RBFOX1: variants seen among roughly 807,000 people sequenced by gnomAD.
RBFOX1 encodes the protein RNA binding fox-1 homolog 1.
In RBFOX1, 8 loss-of-function variants were observed where a neutral mutation model predicts 57.7. The observed-to-expected ratio is 0.14, with a 90% CI of 0.08 to 0.25. The LOEUF is 0.25. Ranked by LOEUF, RBFOX1 falls within the 10% of genes least tolerant of loss-of-function variation. RBFOX1 has a pLI of 1.00. For synonymous variants in RBFOX1, 326 were observed against 222.4 expected, an observed-to-expected ratio of 1.47 and a Z score of -4.15; for missense variants, 611 against 548.5, an observed-to-expected ratio of 1.11 and a Z score of -1.14.
intron 2 of RBFOX1, among the ~76,000 whole-genome samples, chr16:6,561,812 G>A (rs1009224979): frequency 1.4e-4 from 22 of 152,286 alleles, no homozygotes; most frequent in Middle Eastern, 3.4e-3. Flanking sequence ...GTAGGGGCCA[G>A]TTTTTTAGTT....
At chr16:5,794,743 T>C (rs934316237) in intron 3 of RBFOX1, among the ~76,000 whole-genome samples, 2 of 152,200 alleles carry the variant, frequency 1.3e-5, no homozygotes, top group Non-Finnish European at 2.9e-5. Flanking sequence ...TTCCTAATGT[T>C]TAATTTCAAG....
At chr16:6,044,723 G>A (rs1190367572) in intron 1 of RBFOX1, among the ~76,000 whole-genome samples, 2 of 152,112 alleles carry the variant, frequency 1.3e-5, no homozygotes, top group African/African-American at 2.4e-5. Flanking sequence ...ATTCTCCTGT[G>A]AGAACCAGGA....
At chr16:5,745,099 C>T (rs910378605) in intron 3 of RBFOX1, among the ~76,000 whole-genome samples, 4 of 152,200 alleles carry the variant, frequency 2.6e-5, no homozygotes, top group African/African-American at 9.7e-5. Context: ...CCCCTTCCCC[C>T]ACCTCATGAC....
intron 10 of RBFOX1, among the ~76,000 whole-genome samples, chr16:7,613,500 C>T (rs1238666248): frequency 6.6e-6 from 1 of 152,230 alleles, no homozygotes; most frequent in South Asian, 2.1e-4. Context: ...TGACTTGATG[C>T]TGGGCTAGGT....
chr16:5,483,809 G>T (rs140224015), intron 2 of RBFOX1, among the ~76,000 whole-genome samples: 1 of 152,150 alleles, frequency 6.6e-6, no homozygotes, highest in Non-Finnish European at 1.5e-5. Context: ...TGGTTTCTCT[G>T]TGTCGGCATT....
intron 3 of RBFOX1, among the ~76,000 whole-genome samples, chr16:6,856,032 G>A (rs2142205193): frequency 6.6e-6 from 1 of 152,008 alleles, no homozygotes; most frequent in Middle Eastern, 3.4e-3. Context: ...ACTAGGGAAT[G>A]GTGCTCATGG....
At position 6,412,131 on chromosome 16, in the gene RBFOX1, TAAAAAAA is replaced by T. The variant is rs57126566; in HGVS notation, c.-64+95081_-64+95087del. Among the ~76,000 whole-genome samples the T allele has an allele frequency of 2.6e-3, 352 of 133,712 alleles. 3 individuals are homozygous for T. Among genetic ancestry groups the T allele is most frequent in the African/African-American group, 7.6e-3 (275 of 36,286 alleles). 87.7% of individuals were successfully genotyped at this position (133,712 alleles called of 152,430 possible). On this transcript the variant is annotated intron_variant, in intron 2 of 15. Transcript: ENST00000550418. ...ACAGGCAATAGTGCAAGACTCCATG[TAAAAAAA>T]AAAAAACAAAAAAACAAAAAAACAA...
intron 13 of RBFOX1, among the ~76,000 whole-genome samples, chr16:7,674,275 C>T (rs553719942): frequency 6.6e-6 from 1 of 152,244 alleles, no homozygotes; most frequent in South Asian, 2.1e-4. Context: ...CTGGTATTGT[C>T]CAATCCTTTG....
chr16:6,181,630 G>C (rs573170527), intron 1 of RBFOX1, among the ~76,000 whole-genome samples: 13 of 152,254 alleles, frequency 8.5e-5, no homozygotes, highest in East Asian at 3.9e-4. Context: ...CCTGTGGTGG[G>C]GGGGAGGAGG....
intron 2 of RBFOX1, among the ~76,000 whole-genome samples, chr16:6,370,352 C>A (rs1352399900): frequency 1.7e-5 from 2 of 115,764 alleles, no homozygotes; most frequent in Non-Finnish European, 3.4e-5. Context: ...ATAGAGACTC[C>A]GTCTCAAAAG....
intron 4 of RBFOX1, among the ~76,000 whole-genome samples, chr16:7,393,167 C>T (rs890629207): frequency 1.5e-4 from 23 of 152,184 alleles, no homozygotes; most frequent in African/African-American, 5.3e-4. Flanking sequence ...AGCCACCGCA[C>T]CCCACCTGGT....
intron 3 of RBFOX1, among the ~76,000 whole-genome samples, chr16:6,802,012 A>T (rs2085583077): frequency 6.6e-6 from 1 of 151,722 alleles, no homozygotes; most frequent in South Asian, 2.1e-4. Context: ...AGGTTGGGGG[A>T]GTTCTTTTAG....
At chr16:6,219,811 G>T (rs2097360173) in intron 1 of RBFOX1, among the ~76,000 whole-genome samples, 2 of 152,264 alleles carry the variant, frequency 1.3e-5, no homozygotes, top group African/African-American at 4.8e-5. Flanking sequence ...AGAAGGCGGA[G>T]GTTGCAGTGA....
intron 3 of RBFOX1, among the ~76,000 whole-genome samples, chr16:6,879,384 T>C (rs899623731): frequency 2.6e-5 from 4 of 152,212 alleles, no homozygotes; most frequent in African/African-American, 9.6e-5. Flanking sequence ...CTGCCCTGTT[T>C]ATATTTATTG....
At chr16:7,368,264 C>CCA (rs2097500010) in intron 4 of RBFOX1, among the ~76,000 whole-genome samples, 3 of 130,864 alleles carry the variant, frequency 2.3e-5, no homozygotes, top group African/African-American at 9.3e-5. Context: ...GAGACTGTCT[C>CCA]GAAAAAAAAA....
intron 1 of RBFOX1, among the ~76,000 whole-genome samples, chr16:6,308,244 A>G (rs2079776058): frequency 6.6e-6 from 1 of 152,270 alleles, no homozygotes; most frequent in South Asian, 2.1e-4. Flanking sequence ...CCTATAAATG[A>G]TCATCATCTG....
chr16:5,435,739 G>C (rs939750779), intron 1 of RBFOX1, among the ~76,000 whole-genome samples: 5 of 152,224 alleles, frequency 3.3e-5, no homozygotes, highest in African/African-American at 1.2e-4. Context: ...TCTCTGGTCA[G>C]AGCAATTGCA....
At chr16:7,544,581 G>C (rs1286135543) in intron 5 of RBFOX1, among the ~76,000 whole-genome samples, 5 of 152,086 alleles carry the variant, frequency 3.3e-5, no homozygotes. Flanking sequence ...GGATTGCCAG[G>C]AGCTACCAGG....
At chr16:7,279,140 T>C (rs2095495936) in intron 4 of RBFOX1, among the ~76,000 whole-genome samples, 1 of 151,860 alleles carries the variant, frequency 6.6e-6, no homozygotes, top group Non-Finnish European at 1.5e-5. Flanking sequence ...CTTTCTTTTT[T>C]TTTTAAACAT....
Sources: allele counts gnomAD v4.1 joint callset (sites outside exome capture counted in the v4.1 genomes callset), GRCh38; gene constraint gnomAD v4.1.1; transcripts MANE v1.5; gene names NCBI Gene and HGNC (gene_info 2026-07-23, HGNC 2026-07-21).